Variants in SDK1 observed in about 807,000 individuals in gnomAD.
SDK1 encodes the protein sidekick cell adhesion molecule 1.
A neutral mutation model predicts 245.5 loss-of-function variants in SDK1; 157 were observed. The observed-to-expected ratio is 0.64, with a 90% CI of 0.56 to 0.73. SDK1 has a LOEUF of 0.73. SDK1 is among the 30% of genes least tolerant of loss of function. The probability of loss-of-function intolerance (pLI) is 0.00; values close to 1 mark genes in which losing one functional copy is unlikely to be tolerated. For synonymous variants in SDK1, 1,647 were observed against 1,278.5 expected (o/e 1.29, Z -6.15); for missense variants, 3,583 against 3,002.3 (o/e 1.19, Z -4.52).
intron 22 of SDK1, among the ~76,000 whole-genome samples, chr7:4,097,796 C>T (rs1438888227): frequency 6.6e-6 from 1 of 152,160 alleles, no homozygotes; most frequent in African/African-American, 2.4e-5. Context: ...TCATAATAAA[C>T]CCTGACTGTA....
At chr7:3,914,568 G>C (rs1042287898) in intron 5 of SDK1, among the ~76,000 whole-genome samples, 2 of 152,176 alleles carry the variant, frequency 1.3e-5, no homozygotes, top group Non-Finnish European at 2.9e-5. Context: ...TAAAAAGCAC[G>C]CTGAAACCAT....
intron 1 of SDK1, among the ~76,000 whole-genome samples, chr7:3,556,189 G>A (rs1408185088): frequency 6.6e-6 from 1 of 151,380 alleles, no homozygotes; most frequent in African/African-American, 2.4e-5. Context: ...CAGATGAATG[G>A]ATAAAGAAAA....
chr7:4,241,663 A>G (rs1562472083), intron 42 of SDK1, 130 bp from the exon 43 acceptor site: 3 of 1,055,164 alleles, frequency 2.8e-6, no homozygotes, highest in East Asian at 5.0e-5. Context: ...CAGCTGAAGC[A>G]GGTATCCTCA....
At chr7:3,940,294 A>G (rs968586549) in intron 5 of SDK1, among the ~76,000 whole-genome samples, 2 of 152,234 alleles carry the variant, frequency 1.3e-5, no homozygotes, top group Non-Finnish European at 2.9e-5. Flanking sequence ...GCTTTGCGGG[A>G]CAGTGAAACC....
intron 4 of SDK1, among the ~76,000 whole-genome samples, chr7:3,793,044 A>G (rs766753274): frequency 2.0e-5 from 3 of 152,180 alleles, no homozygotes; most frequent in African/African-American, 4.8e-5. Context: ...TAATGGAAAA[A>G]AGGTCAAAGG....
At chr7:4,087,829 C>T (rs1781522477) in intron 22 of SDK1, among the ~76,000 whole-genome samples, 1 of 152,170 alleles carries the variant, frequency 6.6e-6, no homozygotes, top group Admixed American at 6.5e-5. Context: ...GCCTGAATTT[C>T]CATCTGGAGA....
Position 3,842,485 on chromosome 7 carries a change from C to T in SDK1, c.847+20902C>T, listed in dbSNP as rs113393819. Among the ~76,000 whole-genome samples the T allele has an allele frequency of 4.3e-4, 65 of 152,128 alleles. 1 individual carries two copies. Among genetic ancestry groups the T allele is most frequent in the African/African-American group, 1.4e-3 (60 of 41,460 alleles). ...CACTGTACTGGCATGGGTACTAGGTCGCTGTACTGGCATGGTGAATTGGTG... is the reference window on the plus strand; with the variant it reads ...CACTGTACTGGCATGGGTACTAGGTTGCTGTACTGGCATGGTGAATTGGTG... On this transcript the variant is annotated intron_variant, in intron 5 of 44. Transcript: ENST00000404826.
intron 1 of SDK1, among the ~76,000 whole-genome samples, chr7:3,598,113 T>C (rs1188420441): frequency 2.0e-5 from 3 of 152,242 alleles, no homozygotes. Context: ...GTTTGTATTA[T>C]TCAATTTAGC....
chr7:4,110,007 G>C (rs12538237), intron 22 of SDK1, among the ~76,000 whole-genome samples: 18 of 151,974 alleles, frequency 1.2e-4, no homozygotes, highest in African/African-American at 4.1e-4. Flanking sequence ...CAGCAGACCC[G>C]GAAAAGGCAA....
intron 1 of SDK1, among the ~76,000 whole-genome samples, chr7:3,519,183 A>G (rs751233861): frequency 8.5e-5 from 13 of 152,106 alleles, no homozygotes; most frequent in East Asian, 1.9e-4. Context: ...AAAGGATATG[A>G]AACTCCAGCT....
chr7:3,687,790 C>T (rs1028769655), intron 4 of SDK1, among the ~76,000 whole-genome samples: 15 of 152,118 alleles, frequency 9.9e-5, no homozygotes, highest in Admixed American at 4.6e-4. Context: ...GTGATGGAAA[C>T]GCTGTGTGTC....
At chr7:4,085,636 C>A (rs1370610261) in intron 22 of SDK1, among the ~76,000 whole-genome samples, 2 of 152,104 alleles carry the variant, frequency 1.3e-5, no homozygotes, top group Non-Finnish European at 2.9e-5. Flanking sequence ...ATCACTGCAA[C>A]CTCCACCTCC....
rs191142776 is a variant in SDK1, at chr7:4,179,163, C to T, written c.5098+577C>T. The T allele has an allele frequency of 3.9e-5, 6 of 152,498 alleles. No homozygotes were observed. The East Asian group carries it at 5.8e-4, about 15-fold the overall frequency. 9.4% of individuals were successfully genotyped at this position (152,498 alleles called of 1,614,324 possible). On this transcript the variant is annotated intron_variant, in intron 35 of 44. Transcript: ENST00000404826. ...CTATCCCTCTCCGGGCCCAGCGTGC[C>T]GCAGGTAATGAGAGCAACGCCATTC...
intron 5 of SDK1, among the ~76,000 whole-genome samples, chr7:3,899,687 C>T (rs1160445656): frequency 6.6e-6 from 1 of 152,344 alleles, no homozygotes; most frequent in Non-Finnish European, 1.5e-5. Context: ...TGCCACGCAG[C>T]CCCGTGGAAG....
intron 26 of SDK1, chr7:4,129,602 T>G: frequency 8.7e-7 from 1 of 1,144,576 alleles, no homozygotes; most frequent in East Asian, 4.1e-5. Context: ...CGAGTCTTTG[T>G]TTTAGTGGCT....
intron 44 of SDK1, among the ~76,000 whole-genome samples, chr7:4,255,810 G>C (rs1169754675): frequency 9.9e-5 from 15 of 152,100 alleles, no homozygotes; most frequent in Non-Finnish European, 2.9e-5. Flanking sequence ...GCAGGTCATG[G>C]CTCAAGCACC....
intron 1 of SDK1, among the ~76,000 whole-genome samples, chr7:3,404,033 C>G (rs1053508193): frequency 2.7e-5 from 4 of 150,884 alleles, no homozygotes; most frequent in African/African-American, 9.7e-5. Flanking sequence ...ATTTTGTAGT[C>G]TGTTAAGTGA....
chr7:3,473,346 T>G (rs1182535448), intron 1 of SDK1, among the ~76,000 whole-genome samples: 2 of 152,212 alleles, frequency 1.3e-5, no homozygotes, highest in Non-Finnish European at 2.9e-5. Flanking sequence ...AGGAGTGAAG[T>G]TGTGTTCAAA....
chr7:4,074,910 ATATATATT>A lies in SDK1; in HGVS notation c.3011-2086_3011-2079del, dbSNP rs1339567529. 6.5e-4 allele frequency among the ~76,000 whole-genome samples: 50 copies of A among 77,182 alleles called. 1 individual carries two copies. Among genetic ancestry groups the A allele is most frequent in the African/African-American group, 1.5e-3 (16 of 11,016 alleles). 50.6% of individuals were successfully genotyped at this position (77,182 alleles called of 152,430 possible). A position where few individuals can be genotyped will look rare whatever the true frequency, so the allele number is the denominator to read the frequency against. On this transcript the variant is annotated intron_variant, in intron 20 of 44. Coordinates refer to ENST00000404826, the MANE Select transcript of SDK1 (RefSeq NM_152744.4). ...TGTATATATATATATATATATATATATATATATTTTTTTTTTTTTTTAATAAAGTTAGG... is the reference window on the plus strand; with the variant it reads ...TGTATATATATATATATATATATATATTTTTTTTTTTTTAATAAAGTTAGG...
Sources: gnomAD v4.1 joint callset for allele counts (sites outside exome capture counted in the v4.1 genomes callset) on GRCh38, gnomAD v4.1.1 for gene constraint, MANE v1.5 for transcripts, NCBI Gene and HGNC (gene_info 2026-07-23, HGNC 2026-07-21) for gene names.